The following SOBP variants were observed in gnomAD, a reference collection of about 807,000 sequenced individuals.
SOBP encodes sine oculis-binding protein homolog.
Under a neutral mutation model 53.6 loss-of-function variants are expected in SOBP, and 4 were observed. The ratio of observed to expected loss-of-function variants is 0.07; its 90% CI spans 0.04 to 0.17. The LOEUF (loss-of-function observed/expected upper bound fraction) is 0.17, where lower values mean the gene tolerates loss of function less well. Among genes scored for constraint, SOBP ranks in the 10% least tolerant of loss-of-function variants. The pLI, the probability that SOBP is intolerant of heterozygous loss-of-function variation, is 1.00. For synonymous variants in SOBP, 584 were observed against 522.6 expected (o/e 1.12, Z -1.60); for missense variants, 1,088 against 1,204.7 (o/e 0.90, Z 1.43).
intron 4 of SOBP, among the ~76,000 whole-genome samples, chr6:107,571,170 A>G (rs189602985): frequency 2.4e-4 from 36 of 152,332 alleles, no homozygotes; most frequent in Non-Finnish European, 4.7e-4. Flanking sequence ...ATATAGGAGA[A>G]ATATGGCAGA....
intron 4 of SOBP, among the ~76,000 whole-genome samples, chr6:107,584,987 A>G (rs1478809586): frequency 6.6e-6 from 1 of 152,210 alleles, no homozygotes; most frequent in Non-Finnish European, 1.5e-5. Context: ...TATATATTGA[A>G]TATAGACATA....
At chr6:107,529,746 T>C (rs1016589941) in intron 3 of SOBP, 1 of 309,082 alleles carries the variant, frequency 3.2e-6, no homozygotes, top group African/African-American at 2.3e-5. Context: ...CAGAAATGCT[T>C]GATCTCATAC....
In SOBP at chr6:107,630,059, G is replaced by A. The variant is rs527733296; in HGVS notation, c.670-3455G>A. Among the ~76,000 whole-genome samples, 4 of 152,332 alleles carry A rather than the reference G, an allele frequency of 2.6e-5. No homozygotes were observed. The East Asian group carries it at 7.7e-4, about 29-fold the overall frequency. On this transcript the variant is annotated intron_variant, in intron 5 of 6. Transcript: ENST00000317357. ...GCATCGTTAAACAGCTTCAGCCTCT[G>A]TCCAATCTAGGACCTGTTAGTGAGA...
intron 4 of SOBP, among the ~76,000 whole-genome samples, chr6:107,554,316 G>T (rs149954831): frequency 3.3e-4 from 51 of 152,304 alleles, no homozygotes; most frequent in Middle Eastern, 3.4e-3. Flanking sequence ...TGGCTTTAAA[G>T]TCACAAAACT....
rs779078461 is a variant in SOBP, at chr6:107,635,079, G to A, written c.2235G>A (p.Pro745=). The change falls in exon 6 of 7, where the codon CCG becomes CCA. Residue 745 remains proline (P), a synonymous_variant. Transcript: ENST00000317357. The surrounding 1 kb of genome is among the most constrained non-coding windows in gnomAD (Gnocchi z 4.5). The part of the protein sequence containing the change: ...AKSAEPPPEQ[P]PPPPPPAPPK... ...GCGCGGAGCCGCCTCCCGAGCAGCC[G>A]CCGCCGCCGCCGCCGCCCGCGCCCC... The A allele has an allele frequency of 5.1e-6, 8 of 1,564,786 alleles. No individual in the cohort carries two copies. Among genetic ancestry groups the A allele is most frequent in the Non-Finnish European group, 6.9e-6 (8 of 1,154,630 alleles).
chr6:107,555,330 CCTT>C (rs1395512765), intron 4 of SOBP, among the ~76,000 whole-genome samples: 6 of 152,302 alleles, frequency 3.9e-5, no homozygotes, highest in Non-Finnish European at 8.8e-5. Flanking sequence ...CCTTAATTCT[CCTT>C]CTCTCCTCTT....
chr6:107,552,999 A>G (rs1048592384), intron 4 of SOBP, among the ~76,000 whole-genome samples: 3 of 152,186 alleles, frequency 2.0e-5, no homozygotes, highest in Admixed American at 1.3e-4. Context: ...TTTGGTACTT[A>G]AAGCCAGATT....
intron 4 of SOBP, among the ~76,000 whole-genome samples, chr6:107,583,286 A>G (rs1785461073): frequency 6.6e-6 from 1 of 152,176 alleles, no homozygotes; most frequent in Non-Finnish European, 1.5e-5. Context: ...TGCCCTTAGG[A>G]AGCTTGTAGG....
intron 3 of SOBP, among the ~76,000 whole-genome samples, chr6:107,507,655 T>G (rs1783036890): frequency 6.6e-6 from 1 of 152,086 alleles, no homozygotes; most frequent in Non-Finnish European, 1.5e-5. Context: ...TAATGTATTT[T>G]ATGTGTGGCC....
intron 3 of SOBP, among the ~76,000 whole-genome samples, chr6:107,521,901 G>C (rs1469563638): frequency 1.4e-5 from 2 of 141,530 alleles, no homozygotes; most frequent in African/African-American, 5.5e-5. Flanking sequence ...GGAAGAGACA[G>C]ACATTAAAAC....
chr6:107,529,500 A>T (rs1783758696), intron 3 of SOBP: 6 of 985,434 alleles, frequency 6.1e-6, no homozygotes, highest in Non-Finnish European at 7.2e-6. Context: ...ATACTTTCGG[A>T]ATTTCCCCTC....
chr6:107,617,801 T>G (rs2115113721), intron 5 of SOBP, among the ~76,000 whole-genome samples: 1 of 150,998 alleles, frequency 6.6e-6, no homozygotes, highest in Admixed American at 6.6e-5. Flanking sequence ...TGTGGGCAGC[T>G]TGGGTTGTTG....
chr6:107,569,970 G>A (rs1785027472), intron 4 of SOBP, among the ~76,000 whole-genome samples: 1 of 152,138 alleles, frequency 6.6e-6, no homozygotes, highest in African/African-American at 2.4e-5. Context: ...CCTCAACTGG[G>A]GCCCATGATG....
chr6:107,576,504 G>C (rs1245472010), intron 4 of SOBP, among the ~76,000 whole-genome samples: 1 of 152,180 alleles, frequency 6.6e-6, no homozygotes, highest in African/African-American at 2.4e-5. Flanking sequence ...TGTCTGTCCA[G>C]AATAAAGACC....
chr6:107,589,853 G>T (rs545978988), intron 5 of SOBP, among the ~76,000 whole-genome samples: 49 of 152,136 alleles, frequency 3.2e-4, no homozygotes, highest in Non-Finnish European at 5.3e-4. Context: ...GCGCACACAC[G>T]TGCACACACA....
chr6:107,646,776 C>T (rs1771578524), intron 6 of SOBP, among the ~76,000 whole-genome samples: 1 of 152,126 alleles, frequency 6.6e-6, no homozygotes, highest in Non-Finnish European at 1.5e-5. Flanking sequence ...CCAGTGGGCT[C>T]CTGGTGGTGA....
chr6:107,553,160 A>G (rs1784510214), intron 4 of SOBP, among the ~76,000 whole-genome samples: 1 of 151,970 alleles, frequency 6.6e-6, no homozygotes. Flanking sequence ...AACTGTTTGA[A>G]TCATGGCCTT....
At chr6:107,547,118 A>G (rs781064725) in intron 4 of SOBP, among the ~76,000 whole-genome samples, 2 of 152,228 alleles carry the variant, frequency 1.3e-5, no homozygotes, top group Non-Finnish European at 2.9e-5. Flanking sequence ...ACCACAGAGA[A>G]TTACCCTCCG....
At chr6:107,513,375 A>G (rs1299888053) in intron 3 of SOBP, among the ~76,000 whole-genome samples, 1 of 152,220 alleles carries the variant, frequency 6.6e-6, no homozygotes, top group Non-Finnish European at 1.5e-5. Context: ...GAGAATATGG[A>G]AACAGTCACG....
Sources: allele counts gnomAD v4.1 joint callset (sites outside exome capture counted in the v4.1 genomes callset), GRCh38; gene constraint gnomAD v4.1.1; non-coding constraint Gnocchi (gnomAD v3.1); transcripts MANE v1.5; gene names NCBI Gene and HGNC (gene_info 2026-07-23, HGNC 2026-07-21).